XIRP2: variants seen among roughly 807,000 people sequenced by gnomAD.
XIRP2 encodes the protein xin actin binding repeat containing 2.
Under a neutral mutation model 277.0 loss-of-function variants are expected in XIRP2, and 236 were observed. That is an observed-to-expected ratio of 0.85 (90% CI 0.77 to 0.95). XIRP2 has a LOEUF of 0.95. XIRP2 is among the 40% of genes least tolerant of loss of function. XIRP2 has a pLI of 0.00. For missense variants in XIRP2, 4,640 were observed against 4,157.5 expected, an observed-to-expected ratio of 1.12 and a Z score of -3.19; for synonymous variants, 1,490 against 1,416.5, an observed-to-expected ratio of 1.05 and a Z score of -1.17.
chr2:167,239,797 A>T, intron 5 of XIRP2, 58 bp from the exon 6 acceptor site: 5 of 1,477,296 alleles, frequency 3.4e-6, no homozygotes, highest in Non-Finnish European at 3.7e-6. Flanking sequence ...GCACAAATAA[A>T]AAAAGTTAAA....
chr2:167,002,063 A>G (rs566573431), intron 2 of XIRP2, among the ~76,000 whole-genome samples: 124 of 152,244 alleles, frequency 8.1e-4, no homozygotes, highest in African/African-American at 2.8e-3. Context: ...ACAAAATTAC[A>G]TGATTTCTTA....
intron 5 of XIRP2, among the ~76,000 whole-genome samples, chr2:167,223,830 G>T (rs777932253): frequency 6.6e-6 from 1 of 152,158 alleles, no homozygotes; most frequent in Non-Finnish European, 1.5e-5. Context: ...ATAACTTAAA[G>T]TACCAGCACT....
At chr2:167,159,145 G>T (rs73019954) in intron 3 of XIRP2, among the ~76,000 whole-genome samples, 15,044 of 152,106 alleles carry the variant, frequency 0.099, 799 homozygotes, top group South Asian at 0.15. Flanking sequence ...TTGGTATACC[G>T]GGGGAGGAAC....
intron 2 of XIRP2, among the ~76,000 whole-genome samples, chr2:167,059,445 T>TG (rs1574214198): frequency 7.6e-6 from 1 of 130,724 alleles, no homozygotes; most frequent in East Asian, 2.2e-4. Flanking sequence ...GATTAACATG[T>TG]GGAAAAAAAT....
chr2:167,189,153 C>T (rs950712381), intron 3 of XIRP2, among the ~76,000 whole-genome samples: 2 of 152,168 alleles, frequency 1.3e-5, no homozygotes, highest in African/African-American at 4.8e-5. Context: ...TTTTTACTTA[C>T]TTGGTAAAAT....
intron 2 of XIRP2, among the ~76,000 whole-genome samples, chr2:166,939,228 A>G (rs1301938025): frequency 1.3e-5 from 2 of 152,252 alleles, no homozygotes; most frequent in African/African-American, 2.4e-5. Context: ...AGTGGCTGGT[A>G]CTGGTTGTTC....
chr2:166,891,361 C>T (rs865899984), intron 1 of XIRP2, among the ~76,000 whole-genome samples: 4 of 152,110 alleles, frequency 2.6e-5, no homozygotes, highest in South Asian at 2.1e-4. Flanking sequence ...ATGAATTATG[C>T]ATGCATCCTA....
At chr2:167,107,086 T>C (rs1344798125) in intron 2 of XIRP2, among the ~76,000 whole-genome samples, 1 of 151,770 alleles carries the variant, frequency 6.6e-6, no homozygotes, top group Non-Finnish European at 1.5e-5. Context: ...AAATTTTCCA[T>C]GTCAGCTGCA....
chr2:167,004,390 A>G (rs1238114503), intron 2 of XIRP2, among the ~76,000 whole-genome samples: 1 of 151,942 alleles, frequency 6.6e-6, no homozygotes, highest in Non-Finnish European at 1.5e-5. Context: ...AGCAGTTTTT[A>G]TTAAAAACTA....
At chr2:167,127,193 T>A (rs571805382) in intron 2 of XIRP2, among the ~76,000 whole-genome samples, 18 of 152,206 alleles carry the variant, frequency 1.2e-4, no homozygotes, top group Non-Finnish European at 2.4e-4. Context: ...GACTTTGCAC[T>A]CTTCCCTGAC....
chr2:166,890,875 G>T (rs1168685895), intron 1 of XIRP2, among the ~76,000 whole-genome samples: 2 of 152,142 alleles, frequency 1.3e-5, no homozygotes, highest in African/African-American at 4.8e-5. Context: ...TTTTTCTATA[G>T]AATTTGGAAA....
chr2:167,032,301 A>C (rs1688386146), intron 2 of XIRP2, among the ~76,000 whole-genome samples: 1 of 152,108 alleles, frequency 6.6e-6, no homozygotes, highest in South Asian at 2.1e-4. Flanking sequence ...ACAAAAATTA[A>C]GGTGGATTAA....
intron 5 of XIRP2, among the ~76,000 whole-genome samples, chr2:167,224,940 G>A (rs1694548029): frequency 6.6e-6 from 1 of 152,158 alleles, no homozygotes; most frequent in Non-Finnish European, 1.5e-5. Context: ...ACCTGTACGT[G>A]TTTTGAGCAT....
intron 2 of XIRP2, among the ~76,000 whole-genome samples, chr2:166,920,817 A>T (rs924309069): frequency 2.0e-5 from 3 of 152,134 alleles, no homozygotes; most frequent in Non-Finnish European, 4.4e-5. Flanking sequence ...GAGAAAATAT[A>T]GGCTGGGTGA....
Position 167,247,433 on chromosome 2 carries a change from C to A in XIRP2, c.6041C>A (p.Thr2014Asn). The change falls in exon 9 of 11, where the codon ACT becomes AAT. Residue 2014 changes from threonine (T) to asparagine (N), a missense_variant. By Grantham distance (65) the Thr-to-Asn change is moderately conservative. Transcript: ENST00000409195. ...SCHGNLVEER[T>N]EVNLPKAPKG... is the part of the protein sequence containing the mutation. ...CATGGCAATTTAGTAGAAGAAAGAA[C>A]TGAGGTTAATCTTCCAAAAGCCCCC... is the stretch of plus-strand genomic sequence containing the variant. 3.7e-6 allele frequency: 6 copies of A among 1,613,638 alleles called. No homozygotes were observed. Among genetic ancestry groups the A allele is most frequent in the Non-Finnish European group, 5.1e-6 (6 of 1,179,740 alleles).
chr2:167,058,063 T>C (rs1376513519), intron 2 of XIRP2, among the ~76,000 whole-genome samples: 2 of 150,526 alleles, frequency 1.3e-5, no homozygotes, highest in African/African-American at 4.9e-5. Flanking sequence ...TATTTTATTT[T>C]ATTTTATTTT....
At chr2:167,171,226 G>A (rs114955471) in intron 3 of XIRP2, among the ~76,000 whole-genome samples, 6,052 of 152,064 alleles carry the variant, frequency 0.04, 133 homozygotes, top group Non-Finnish European at 0.051. Flanking sequence ...TGCATTTAGC[G>A]CTAAAAATGT....
At chr2:166,900,377 C>CT (rs1184745970) in intron 1 of XIRP2, among the ~76,000 whole-genome samples, 1 of 151,702 alleles carries the variant, frequency 6.6e-6, no homozygotes, top group Non-Finnish European at 1.5e-5. Context: ...CACTTTTTCA[C>CT]TTTTTTTTAA....
In XIRP2 at chr2:166,967,343, A is replaced by C. The variant is rs1326344023; in HGVS notation, c.408+63453A>C. On this transcript the variant is annotated intron_variant, in intron 2 of 10. Transcript: ENST00000409195. Reference sequence around the variant, plus strand: ...CTTCTCAAGCTCCTTGGGAAGCTAAATTTCCTAAAATTATATTAAATAACT... The same window carrying C: ...CTTCTCAAGCTCCTTGGGAAGCTAACTTTCCTAAAATTATATTAAATAACT... 2.0e-5 allele frequency among the ~76,000 whole-genome samples: 3 copies of C among 152,052 alleles called. No individual in the cohort carries two copies. In the East Asian group the frequency reaches 5.8e-4, roughly 30 times the overall value.
Sources: gnomAD v4.1 joint callset for allele counts (sites outside exome capture counted in the v4.1 genomes callset) on GRCh38, gnomAD v4.1.1 for gene constraint, MANE v1.5 for transcripts, NCBI Gene and HGNC (gene_info 2026-07-23, HGNC 2026-07-21) for gene names.